SFT2D1: variants seen among roughly 807,000 people sequenced by gnomAD.
SFT2D1 encodes SFT2 domain containing 1, also known as vesicle transport protein SFT2A.
SFT2D1 carries 24 observed loss-of-function variants against 28.1 expected under a neutral mutation model. That is an observed-to-expected ratio of 0.85 (90% CI 0.62 to 1.20). The LOEUF is 1.20. Ranked by LOEUF, SFT2D1 falls within the 50% of genes most tolerant of loss-of-function variation. The pLI is 0.00. For synonymous variants in SFT2D1, 82 were observed against 73.7 expected (o/e 1.11, Z -0.58); for missense variants, 181 against 190.9 (o/e 0.95, Z 0.31).
chr6:166,327,427 A>G (rs539285293), intron 4 of SFT2D1, among the ~76,000 whole-genome samples: 33 of 152,344 alleles, frequency 2.2e-4, no homozygotes, highest in Middle Eastern at 3.4e-3. Context: ...GCTCAAGATA[A>G]TAAGAGTGAT....
intron 1 of SFT2D1, 29 bp from the exon 2 acceptor site, chr6:166,330,276 A>G (rs1245368689): frequency 1.4e-6 from 2 of 1,407,828 alleles, no homozygotes; most frequent in Middle Eastern, 3.6e-4. Context: ...AATTTAGAAT[A>G]TAGTCTTAAT....
chr6:166,326,580 G>A (rs1439923154), intron 4 of SFT2D1, among the ~76,000 whole-genome samples: 2 of 152,154 alleles, frequency 1.3e-5, no homozygotes, highest in African/African-American at 2.4e-5. Flanking sequence ...TTAAAATGAG[G>A]AGAGTTCCTA....
intron 1 of SFT2D1, among the ~76,000 whole-genome samples, chr6:166,336,457 C>T (rs543300156): frequency 4.7e-4 from 71 of 152,260 alleles, no homozygotes; most frequent in Non-Finnish European, 7.8e-4. Flanking sequence ...AGCTAATAAA[C>T]TATTTAATTC....
At position 166,329,603 on chromosome 6, in the gene SFT2D1, T is replaced by C. The variant is rs1403927750; in HGVS notation, c.151-14A>G. 1.9e-6 allele frequency: 3 copies of C among 1,564,112 alleles called. No individual in the cohort carries two copies. The highest frequency in any genetic ancestry group is 1.8e-5 in the Admixed American group (1 of 54,192). On this transcript the variant is annotated splice_polypyrimidine_tract_variant and intron_variant, in intron 2 of 7. Coordinates refer to ENST00000361731, the MANE Select transcript of SFT2D1 (RefSeq NM_145169.3). Reference sequence around the variant, plus strand: ...CAATCCAGTTCCCTAAGTTAAGATATTATAGTTATTTTAAAATAATTTTAT... The same window carrying C: ...CAATCCAGTTCCCTAAGTTAAGATACTATAGTTATTTTAAAATAATTTTAT...
intron 1 of SFT2D1, among the ~76,000 whole-genome samples, chr6:166,339,833 G>A (rs1778740568): frequency 6.6e-6 from 1 of 152,142 alleles, no homozygotes; most frequent in African/African-American, 2.4e-5. Flanking sequence ...AAAACCAGAG[G>A]TCAAACCTTG....
At chr6:166,339,465 G>C (rs535665452) in intron 1 of SFT2D1, among the ~76,000 whole-genome samples, 2 of 151,788 alleles carry the variant, frequency 1.3e-5, no homozygotes, top group Non-Finnish European at 2.9e-5. Flanking sequence ...CATGTTCCCC[G>C]ACCCCACTGC....
At chr6:166,333,647 G>A (rs1205805614) in intron 1 of SFT2D1, among the ~76,000 whole-genome samples, 4 of 152,196 alleles carry the variant, frequency 2.6e-5, no homozygotes, top group African/African-American at 7.2e-5. Context: ...AGGAGGTGCT[G>A]AGCTGAGCAC....
intron 6 of SFT2D1, chr6:166,324,220 GATT>G (rs748465531): frequency 5.6e-5 from 14 of 250,442 alleles, no homozygotes; most frequent in Non-Finnish European, 9.9e-5. Flanking sequence ...CTCACCCTGT[GATT>G]TGGTCTCACT....
At chr6:166,328,220 A>G (rs1424919494) in intron 4 of SFT2D1, 56 bp downstream of exon 4, 1 of 1,082,826 alleles carries the variant, frequency 9.2e-7, no homozygotes. Context: ...TTATTCGTAA[A>G]ATAACAGTGC....
chr6:166,334,083 C>T (rs1011548078), intron 1 of SFT2D1, among the ~76,000 whole-genome samples: 2 of 152,228 alleles, frequency 1.3e-5, no homozygotes, highest in African/African-American at 4.8e-5. Context: ...TCTGAAAATG[C>T]ATCCATCAAC....
At chr6:166,340,766 G>T (rs1239317909) in intron 1 of SFT2D1, among the ~76,000 whole-genome samples, 3 of 152,206 alleles carry the variant, frequency 2.0e-5, no homozygotes, top group African/African-American at 7.2e-5. Context: ...CCATGTGAAA[G>T]AGGTATTTGC....
At chr6:166,332,600 C>A (rs2114905262) in intron 1 of SFT2D1, among the ~76,000 whole-genome samples, 1 of 152,296 alleles carries the variant, frequency 6.6e-6, no homozygotes, top group Middle Eastern at 3.4e-3. Flanking sequence ...TCTTTTACCA[C>A]CAATCAGGAG....
At chr6:166,325,828 T>C in intron 5 of SFT2D1, 2 of 441,184 alleles carry the variant, frequency 4.5e-6, no homozygotes, top group East Asian at 4.2e-5. Flanking sequence ...TGTGTGCACA[T>C]GTGTGTTTAC....
intron 1 of SFT2D1, chr6:166,334,645 G>T: frequency 4.7e-6 from 1 of 211,850 alleles, no homozygotes; most frequent in Non-Finnish European, 9.6e-6. Flanking sequence ...CTCGGCACTG[G>T]AGGGCTGAGC....
In SFT2D1 at chr6:166,329,482, A is replaced by G. The variant is rs1038286289; in HGVS notation, c.233+25T>C. 3.1e-6 allele frequency: 5 copies of G among 1,594,252 alleles called. No individual in the cohort carries two copies. The African/African-American group carries it at 6.7e-5, about 21-fold the overall frequency. On this transcript the variant is annotated intron_variant, in intron 3 of 7. Transcript: ENST00000361731. Reference sequence around the variant, plus strand: ...GTAAATTTGGTAGCAAGAGCAAACAAGATATTTTGAGAAGCCAAACGTACC... The same window carrying G: ...GTAAATTTGGTAGCAAGAGCAAACAGGATATTTTGAGAAGCCAAACGTACC...
chr6:166,324,788 C>G (rs960891347), intron 5 of SFT2D1, 193 bp from the exon 6 acceptor site: 20 of 568,496 alleles, frequency 3.5e-5, no homozygotes, highest in Non-Finnish European at 5.8e-5. Context: ...CTTTCTAAAA[C>G]TATATCCATT....
At chr6:166,324,486 C>T (rs368244070) in intron 6 of SFT2D1, 51 bp downstream of exon 6, 9 of 1,558,794 alleles carry the variant, frequency 5.8e-6, no homozygotes, top group African/African-American at 2.7e-5. Context: ...ACAAAATGCT[C>T]GTCACGTCTC....
intron 7 of SFT2D1, 126 bp downstream of exon 7, chr6:166,322,731 G>T: frequency 6.1e-6 from 4 of 656,908 alleles, no homozygotes; most frequent in South Asian, 4.0e-5. Context: ...TTTCCTTTTA[G>T]GAAATTAAAA....
At chr6:166,332,248 G>C (rs1309603370) in intron 1 of SFT2D1, among the ~76,000 whole-genome samples, 1 of 152,192 alleles carries the variant, frequency 6.6e-6, no homozygotes, top group Non-Finnish European at 1.5e-5. Context: ...CTAGGAGACA[G>C]AAGGAACCCT....
Sources: gnomAD v4.1 joint callset for allele counts (sites outside exome capture counted in the v4.1 genomes callset) on GRCh38, gnomAD v4.1.1 for gene constraint, MANE v1.5 for transcripts, NCBI Gene and HGNC (gene_info 2026-07-23, HGNC 2026-07-21) for gene names.